Variants in DNAJC2 observed in about 807,000 individuals in gnomAD.
DNAJC2 encodes dnaJ homolog subfamily C member 2.
A neutral mutation model predicts 94.0 loss-of-function variants in DNAJC2; 32 were observed. The ratio of observed to expected loss-of-function variants is 0.34; its 90% CI spans 0.26 to 0.46. The LOEUF is 0.46. Among genes scored for constraint, DNAJC2 ranks in the 20% least tolerant of loss-of-function variants. The pLI is 1.00. For synonymous variants in DNAJC2, 210 were observed against 229.7 expected (o/e 0.91, Z 0.77); for missense variants, 550 against 719.5 (o/e 0.76, Z 2.69).
At chr7:103,322,162 T>C (rs1818455734) in intron 9 of DNAJC2, 81 bp from the exon 10 acceptor site, 1 of 1,085,042 alleles carries the variant, frequency 9.2e-7, no homozygotes, top group Non-Finnish European at 1.2e-6. Context: ...ATTTAAACTT[T>C]TAATAAATTA....
In DNAJC2 at chr7:103,334,484, G is replaced by A. The variant is rs1051635525; in HGVS notation, c.331+3252C>T. On this transcript the variant is annotated intron_variant, in intron 3 of 16. Coordinates refer to ENST00000379263, the MANE Select transcript of DNAJC2 (RefSeq NM_014377.3). ...AGGCTGAGGCAGAAGAATGAGGCAG[G>A]AGAACCACTTGAACCCTGGAGATGG... Among the ~76,000 whole-genome samples, 13 of 151,748 alleles carry A rather than the reference G, an allele frequency of 8.6e-5. 1 individual carries two copies. Among genetic ancestry groups the A allele is most frequent in the African/African-American group, 3.1e-4 (13 of 41,308 alleles).
rs149685920 is a variant in DNAJC2, at chr7:103,321,515, C to T, written c.1083+417G>A. ...ACCAGGTGACAGTGCGAGACTCCATCTCAAATAAATAAATAAATAAAAATA... is the reference window on the plus strand; with the variant it reads ...ACCAGGTGACAGTGCGAGACTCCATTTCAAATAAATAAATAAATAAAAATA... On this transcript the variant is annotated intron_variant, in intron 10 of 16. Coordinates refer to ENST00000379263, the MANE Select transcript of DNAJC2 (RefSeq NM_014377.3). Among the ~76,000 whole-genome samples, 74 of 151,878 alleles carry T rather than the reference C, an allele frequency of 4.9e-4. 1 individual carries two copies. The highest frequency in any genetic ancestry group is 1.8e-3 in the African/African-American group (73 of 41,410).
At chr7:103,321,633 A>G (rs1818421089) in intron 10 of DNAJC2, among the ~76,000 whole-genome samples, 1 of 151,732 alleles carries the variant, frequency 6.6e-6, no homozygotes, top group African/African-American at 2.4e-5. Flanking sequence ...AGATCACTTG[A>G]GGTCAGGAGT....
intron 3 of DNAJC2, among the ~76,000 whole-genome samples, chr7:103,334,628 A>G (rs1041877216): frequency 7.2e-5 from 11 of 151,806 alleles, no homozygotes; most frequent in South Asian, 2.1e-4. Flanking sequence ...AAAAAAAAAA[A>G]AGAGAGACAA....
Position 103,316,414 on chromosome 7 carries a change from C to A in DNAJC2, c.1428-326G>T, listed in dbSNP as rs568415985. ...GAAGATCAATCATTCTGAAAACAGC[C>A]TCGGTTTCATCTATAGAATTAGGGA... On this transcript the variant is annotated intron_variant, in intron 13 of 16. Coordinates refer to ENST00000379263, the MANE Select transcript of DNAJC2 (RefSeq NM_014377.3). 6 of 223,712 alleles carry A rather than the reference C, an allele frequency of 2.7e-5. No homozygotes were observed. In the South Asian group the frequency reaches 8.2e-4, roughly 30 times the overall value. 13.9% of individuals were successfully genotyped at this position (223,712 alleles called of 1,614,324 possible).
chr7:103,325,310 G>A (rs1441439244), intron 5 of DNAJC2, among the ~76,000 whole-genome samples: 1 of 152,136 alleles, frequency 6.6e-6, no homozygotes, highest in Non-Finnish European at 1.5e-5. Flanking sequence ...GGTGGCAGAT[G>A]CCTGTAGTCC....
intron 6 of DNAJC2, 110 bp from the exon 7 acceptor site, chr7:103,323,773 T>C: frequency 1.2e-6 from 1 of 848,060 alleles, no homozygotes; most frequent in Non-Finnish European, 1.6e-6. Context: ...TCCCTTCTAG[T>C]ATTGAACTAA....
At chr7:103,327,444 T>C (rs1818765399) in intron 4 of DNAJC2, 1 of 763,468 alleles carries the variant, frequency 1.3e-6, no homozygotes, top group Non-Finnish European at 2.1e-6. Context: ...TCTAATAAGC[T>C]GCCAGGTGTT....
At position 103,326,572 on chromosome 7, in the gene DNAJC2, C is replaced by T; in HGVS notation, c.543G>A (p.Val181=). The change falls in exon 5 of 17, where the codon GTG becomes GTA. Residue 181 remains valine (V), a synonymous_variant. Coordinates refer to ENST00000379263, the MANE Select transcript of DNAJC2 (RefSeq NM_014377.3). ...KSEAKDNFFE[V]FTPVFERNSR... is the part of the protein sequence containing the mutation. ...AATTCCTTTCAAACACTGGGGTAAACACTTCGAAGAAATTATCCTTTGCTT... is the reference window on the plus strand; with the variant it reads ...AATTCCTTTCAAACACTGGGGTAAATACTTCGAAGAAATTATCCTTTGCTT... 2 of 1,614,012 alleles carry T rather than the reference C, an allele frequency of 1.2e-6. No individual in the cohort carries two copies. The highest frequency in any genetic ancestry group is 1.7e-4 in the Middle Eastern group (1 of 6,060).
intron 4 of DNAJC2, chr7:103,327,251 AG>A (rs1818755331): frequency 1.3e-5 from 9 of 710,964 alleles, no homozygotes; most frequent in South Asian, 1.1e-4. Flanking sequence ...AAAACATCTA[AG>A]GAACAGTTTA....
intron 10 of DNAJC2, among the ~76,000 whole-genome samples, chr7:103,321,297 T>C (rs1333528265): frequency 1.3e-5 from 2 of 149,966 alleles, no homozygotes; most frequent in African/African-American, 4.9e-5. Flanking sequence ...GATGGGTGGA[T>C]CATGAGGTCA....
chr7:103,325,887 G>C (rs1818677535), intron 5 of DNAJC2, among the ~76,000 whole-genome samples: 1 of 152,116 alleles, frequency 6.6e-6, no homozygotes, highest in Admixed American at 6.5e-5. Context: ...CAATGAGTCA[G>C]AGAGTAGTAT....
intron 10 of DNAJC2, among the ~76,000 whole-genome samples, chr7:103,320,652 G>T (rs988244030): frequency 6.6e-6 from 1 of 151,082 alleles, no homozygotes; most frequent in Non-Finnish European, 1.5e-5. Flanking sequence ...GCTGAGGCAG[G>T]AGCATGGCGT....
At chr7:103,317,323 G>A (rs1310844362) in intron 12 of DNAJC2, 3 of 281,470 alleles carry the variant, frequency 1.1e-5, no homozygotes, top group African/African-American at 6.6e-5. Flanking sequence ...CATCCACAAG[G>A]CCATTTCAAA....
intron 5 of DNAJC2, among the ~76,000 whole-genome samples, chr7:103,325,128 T>A (rs1447802485): frequency 6.6e-6 from 1 of 152,040 alleles, no homozygotes; most frequent in Non-Finnish European, 1.5e-5. Context: ...TACTACTACT[T>A]TTTACCACCT....
chr7:103,338,267 C>CT (rs528754279), intron 2 of DNAJC2, among the ~76,000 whole-genome samples: 17,974 of 124,026 alleles, frequency 0.14, 2,622 homozygotes, highest in African/African-American at 0.39. Flanking sequence ...AAGACCCTGT[C>CT]TTTTTTTTTT....
At chr7:103,338,535 G>A (rs1171200403) in intron 2 of DNAJC2, among the ~76,000 whole-genome samples, 1 of 151,692 alleles carries the variant, frequency 6.6e-6, no homozygotes, top group Non-Finnish European at 1.5e-5. Context: ...GACCTCAGGT[G>A]ATATACCTGC....
intron 15 of DNAJC2, chr7:103,313,971 G>A (rs1409393943): frequency 1.0e-6 from 1 of 985,246 alleles, no homozygotes; most frequent in Admixed American, 6.2e-5. Context: ...CGGCCTGTGA[G>A]ATCTGTTAAA....
intron 3 of DNAJC2, chr7:103,337,288 A>C (rs1288298815): frequency 6.5e-6 from 1 of 153,458 alleles, no homozygotes; most frequent in Non-Finnish European, 1.4e-5. Flanking sequence ...TGAAAACAAC[A>C]ATAAAACATC....
Sources: gnomAD v4.1 joint callset for allele counts (sites outside exome capture counted in the v4.1 genomes callset) on GRCh38, gnomAD v4.1.1 for gene constraint, MANE v1.5 for transcripts, NCBI Gene and HGNC (gene_info 2026-07-23, HGNC 2026-07-21) for gene names.